Variants in RORA observed in about 807,000 individuals in gnomAD.
RORA encodes the protein RAR related orphan receptor A.
Under a neutral mutation model 69.5 loss-of-function variants are expected in RORA, and 7 were observed. The ratio of observed to expected loss-of-function variants is 0.10; its 90% CI spans 0.06 to 0.19. The LOEUF is 0.19. RORA is among the 10% of genes least tolerant of loss of function. The pLI is 1.00. For synonymous variants in RORA, 261 were observed against 240.8 expected, an observed-to-expected ratio of 1.08 and a Z score of -0.78; for missense variants, 457 against 663.0, an observed-to-expected ratio of 0.69 and a Z score of 3.41.
intron 1 of RORA, among the ~76,000 whole-genome samples, chr15:60,947,805 A>C (rs1374427636): frequency 1.3e-5 from 2 of 151,966 alleles, no homozygotes; most frequent in African/African-American, 4.8e-5. Flanking sequence ...CAGCCTCCGC[A>C]GTGGGAGATG....
At chr15:60,704,274 T>C (rs2071027339) in intron 1 of RORA, among the ~76,000 whole-genome samples, 2 of 152,198 alleles carry the variant, frequency 1.3e-5, no homozygotes, top group East Asian at 3.9e-4. Flanking sequence ...TGGAGGTGAG[T>C]TGTAGGAGGG....
At chr15:61,105,427 G>T (rs948970370) in intron 1 of RORA, among the ~76,000 whole-genome samples, 1 of 152,052 alleles carries the variant, frequency 6.6e-6, no homozygotes, top group South Asian at 2.1e-4. Flanking sequence ...ATTTTCCAGT[G>T]GTTCCCATGA....
At chr15:60,784,367 G>T (rs561952223) in intron 1 of RORA, among the ~76,000 whole-genome samples, 1 of 152,288 alleles carries the variant, frequency 6.6e-6, no homozygotes, top group African/African-American at 2.4e-5. Context: ...ATTCAATGGG[G>T]GAGATGGAGA....
chr15:61,086,687 G>GA (rs1566981669), intron 1 of RORA, among the ~76,000 whole-genome samples: 1 of 145,298 alleles, frequency 6.9e-6, no homozygotes, highest in Non-Finnish European at 1.5e-5. Context: ...TTCTAAAAAA[G>GA]TTTTTTTTTT....
At chr15:60,806,105 G>T (rs933127023) in intron 1 of RORA, among the ~76,000 whole-genome samples, 1 of 152,176 alleles carries the variant, frequency 6.6e-6, no homozygotes, top group African/African-American at 2.4e-5. Flanking sequence ...GTGACATGCT[G>T]CCTTGAAATT....
chr15:60,526,549 C>T (rs2066363674), intron 3 of RORA, among the ~76,000 whole-genome samples: 1 of 152,298 alleles, frequency 6.6e-6, no homozygotes, highest in African/African-American at 2.4e-5. Context: ...CTACCACTTG[C>T]GCATTTCATC....
At chr15:60,780,210 G>T (rs1021865871) in intron 1 of RORA, among the ~76,000 whole-genome samples, 1 of 152,124 alleles carries the variant, frequency 6.6e-6, no homozygotes, top group Non-Finnish European at 1.5e-5. Context: ...TACCCTGGCT[G>T]CTTATCAAAA....
chr15:61,004,127 C>T (rs1282306941), intron 1 of RORA, among the ~76,000 whole-genome samples: 1 of 152,126 alleles, frequency 6.6e-6, no homozygotes, highest in Non-Finnish European at 1.5e-5. Flanking sequence ...GAGGTTTCAA[C>T]TCTTGAAATC....
At chr15:60,871,336 A>C (rs1179411210) in intron 1 of RORA, among the ~76,000 whole-genome samples, 1 of 152,196 alleles carries the variant, frequency 6.6e-6, no homozygotes, top group Non-Finnish European at 1.5e-5. Context: ...TTTGGAGTTC[A>C]GCCTACAAGC....
intron 5 of RORA, chr15:60,510,565 T>C (rs573021362): frequency 6.6e-6 from 1 of 152,362 alleles, no homozygotes; most frequent in Admixed American, 6.5e-5. Flanking sequence ...TGTTGAACAT[T>C]TATACTATAT....
intron 7 of RORA, 25 bp downstream of exon 7, chr15:60,503,510 C>A: frequency 1.2e-6 from 2 of 1,613,074 alleles, no homozygotes; most frequent in South Asian, 2.2e-5. Flanking sequence ...GAAGAGATCT[C>A]AAAATTCACT....
intron 2 of RORA, among the ~76,000 whole-genome samples, chr15:60,619,431 A>G (rs1225784499): frequency 6.6e-6 from 1 of 152,252 alleles, no homozygotes; most frequent in Non-Finnish European, 1.5e-5. Flanking sequence ...ATGATGTATC[A>G]TGATGATGCC....
chr15:60,798,095 G>T (rs753212714), intron 1 of RORA, among the ~76,000 whole-genome samples: 1 of 151,710 alleles, frequency 6.6e-6, no homozygotes, highest in Non-Finnish European at 1.5e-5. Flanking sequence ...AAAAGTTTCC[G>T]TCTGGCAATA....
At chr15:60,936,315 T>C (rs1423852932) in intron 1 of RORA, among the ~76,000 whole-genome samples, 1 of 152,230 alleles carries the variant, frequency 6.6e-6, no homozygotes, top group African/African-American at 2.4e-5. Flanking sequence ...CAAAGTAGGA[T>C]GCTTTTACCT....
chr15:60,687,187 C>CA (rs1314132982), intron 1 of RORA, among the ~76,000 whole-genome samples: 4 of 152,054 alleles, frequency 2.6e-5, no homozygotes, highest in Non-Finnish European at 5.9e-5. Flanking sequence ...GGCCCACTCT[C>CA]AGATAAGATG....
chr15:60,779,081 T>C (rs948800899), intron 1 of RORA, among the ~76,000 whole-genome samples: 1 of 152,210 alleles, frequency 6.6e-6, no homozygotes, highest in Non-Finnish European at 1.5e-5. Context: ...TAGACGAGAA[T>C]GTTTAGGTAG....
intron 1 of RORA, among the ~76,000 whole-genome samples, chr15:60,864,479 TC>T (rs1165846473): frequency 8.0e-6 from 1 of 124,366 alleles, no homozygotes; most frequent in Non-Finnish European, 1.8e-5. Flanking sequence ...CATGTTACCA[TC>T]CTTGTTTTTT....
chr15:60,709,835 C>A (rs1360739958), intron 1 of RORA, among the ~76,000 whole-genome samples: 1 of 152,010 alleles, frequency 6.6e-6, no homozygotes, highest in Non-Finnish European at 1.5e-5. Context: ...TGTCCTGAAA[C>A]CATCCCCCAA....
intron 1 of RORA, among the ~76,000 whole-genome samples, chr15:60,701,380 AG>A (rs2070979299): frequency 1.3e-5 from 2 of 152,206 alleles, no homozygotes; most frequent in Admixed American, 6.5e-5. Flanking sequence ...CATGGATCAA[AG>A]GGGACTGAAG....
Sources: allele counts gnomAD v4.1 joint callset (sites outside exome capture counted in the v4.1 genomes callset), GRCh38; gene constraint gnomAD v4.1.1; transcripts MANE v1.5; gene names NCBI Gene and HGNC (gene_info 2026-07-23, HGNC 2026-07-21).